ADAMTS17: variants seen among roughly 807,000 people sequenced by gnomAD.
ADAMTS17 encodes ADAM metallopeptidase with thrombospondin type 1 motif 17.
ADAMTS17 carries 113 observed loss-of-function variants against 141.5 expected under a neutral mutation model. The ratio of observed to expected loss-of-function variants is 0.80; its 90% CI spans 0.69 to 0.93. The LOEUF (loss-of-function observed/expected upper bound fraction) is 0.93. ADAMTS17 is among the 40% of genes least tolerant of loss of function. The probability of loss-of-function intolerance (pLI) is 0.00; values close to 1 mark genes in which losing one functional copy is unlikely to be tolerated. For synonymous variants in ADAMTS17, 768 were observed against 630.6 expected (o/e 1.22, Z -3.27); for missense variants, 1,659 against 1,517.9 (o/e 1.09, Z -1.54).
At chr15:99,976,946 A>G (rs549803612) in intron 20 of ADAMTS17, among the ~76,000 whole-genome samples, 1 of 152,168 alleles carries the variant, frequency 6.6e-6, no homozygotes, top group East Asian at 1.9e-4. Context: ...TGAGATGGTG[A>G]GCAGCATGGC....
intron 21 of ADAMTS17, among the ~76,000 whole-genome samples, chr15:99,975,031 T>G (rs1490701095): frequency 6.6e-6 from 1 of 152,112 alleles, no homozygotes; most frequent in Non-Finnish European, 1.5e-5. Context: ...GGTCCTGAAG[T>G]TCCCAAGCAG....
chr15:100,099,141 C>T (rs1243347103), intron 14 of ADAMTS17, among the ~76,000 whole-genome samples: 3 of 152,186 alleles, frequency 2.0e-5, no homozygotes, highest in Non-Finnish European at 4.4e-5. Context: ...GGAATGCATA[C>T]AGCGTTGCCC....
chr15:100,255,792 G>A (rs1454209790), intron 6 of ADAMTS17, among the ~76,000 whole-genome samples: 2 of 152,178 alleles, frequency 1.3e-5, no homozygotes, highest in East Asian at 1.9e-4. Flanking sequence ...CAAGGCAGGC[G>A]CCATTTTGCA....
chr15:100,281,231 T>A lies in ADAMTS17; in HGVS notation c.787A>T (p.Met263Leu). 6.2e-7 allele frequency: 1 copy of A among 1,604,740 alleles called. No homozygotes were observed. ...CAGGACCCCGGCTCCGGACTCACCA[T>A]GTTCATGACGGTCAGGATGAACCTC... ...AQRFILTVMN[M>L]VYNMFQHQSL... Residue 263 changes from methionine (M) to leucine (L), a missense_variant and splice_region_variant, in exon 4 of 22, where the codon ATG becomes TTG. Coordinates refer to ENST00000268070, the MANE Select transcript of ADAMTS17 (RefSeq NM_139057.4).
intron 7 of ADAMTS17, among the ~76,000 whole-genome samples, chr15:100,211,104 A>AAATAAATG (rs2041789993): frequency 8.1e-6 from 1 of 122,754 alleles, no homozygotes; most frequent in Admixed American, 7.4e-5. Flanking sequence ...AGTCTCAAAT[A>AAATAAATG]AATAAATAAA....
intron 3 of ADAMTS17, among the ~76,000 whole-genome samples, chr15:100,308,693 A>T (rs1289012059): frequency 2.0e-5 from 3 of 152,202 alleles, no homozygotes; most frequent in African/African-American, 7.2e-5. Context: ...TCCCGGGCTT[A>T]GCCATCCAAG....
intron 16 of ADAMTS17, among the ~76,000 whole-genome samples, 185 bp from the exon 17 acceptor site, chr15:100,051,916 C>T (rs2032181089): frequency 6.6e-6 from 1 of 152,168 alleles, no homozygotes; most frequent in Admixed American, 6.5e-5. Context: ...CTCAGGGACT[C>T]AACTGAGGAG....
chr15:100,155,137 A>G (rs369387906), intron 9 of ADAMTS17, 43 bp downstream of exon 9: 20 of 1,613,864 alleles, frequency 1.2e-5, no homozygotes, highest in Non-Finnish European at 1.7e-5. Flanking sequence ...TTTTGGAAGT[A>G]CTTTTGATTG....
chr15:100,125,098 G>A (rs1365469666), intron 12 of ADAMTS17, among the ~76,000 whole-genome samples: 1 of 152,178 alleles, frequency 6.6e-6, no homozygotes, highest in Non-Finnish European at 1.5e-5. Context: ...AGAGACACAG[G>A]ACGCTCAGTA....
chr15:100,295,149 C>T (rs911506282), intron 3 of ADAMTS17, among the ~76,000 whole-genome samples: 1 of 152,188 alleles, frequency 6.6e-6, no homozygotes, highest in Non-Finnish European at 1.5e-5. Context: ...ATCAAAATAT[C>T]TTCAGACTGA....
At chr15:100,092,247 T>G (rs1201641577) in intron 15 of ADAMTS17, among the ~76,000 whole-genome samples, 1 of 152,250 alleles carries the variant, frequency 6.6e-6, no homozygotes, top group South Asian at 2.1e-4. Flanking sequence ...ACAGTTTTTC[T>G]GATGGTAATC....
intron 7 of ADAMTS17, among the ~76,000 whole-genome samples, chr15:100,208,703 C>T (rs986779468): frequency 1.3e-4 from 20 of 152,080 alleles, no homozygotes; most frequent in African/African-American, 4.8e-4. Flanking sequence ...GTAAATTATG[C>T]CTCAATTATA....
intron 10 of ADAMTS17, among the ~76,000 whole-genome samples, chr15:100,148,361 A>G (rs141175108): frequency 2.1e-4 from 29 of 139,362 alleles, no homozygotes; most frequent in South Asian, 6.8e-4. Context: ...GTGTAGATCC[A>G]TATTTCCACC....
intron 7 of ADAMTS17, among the ~76,000 whole-genome samples, chr15:100,230,932 G>T (rs537606277): frequency 2.6e-5 from 4 of 152,146 alleles, no homozygotes; most frequent in South Asian, 2.1e-4. Context: ...CAGCCCACGG[G>T]GGGAGGAGAC....
chr15:100,004,019 T>C (rs754991329), intron 18 of ADAMTS17, among the ~76,000 whole-genome samples: 4 of 152,266 alleles, frequency 2.6e-5, no homozygotes, highest in Non-Finnish European at 4.4e-5. Context: ...GTAAATTTTA[T>C]GTGTATTTTA....
At chr15:100,263,451 G>C (rs2043601068) in intron 4 of ADAMTS17, among the ~76,000 whole-genome samples, 1 of 152,124 alleles carries the variant, frequency 6.6e-6, no homozygotes, top group African/African-American at 2.4e-5. Flanking sequence ...AACAGAAAAG[G>C]ACCTATCTTT....
At chr15:100,210,918 G>A (rs2041781057) in intron 7 of ADAMTS17, among the ~76,000 whole-genome samples, 1 of 152,088 alleles carries the variant, frequency 6.6e-6, no homozygotes, top group African/African-American at 2.4e-5. Context: ...TGGCTAACAT[G>A]GTGAAACCTC....
intron 2 of ADAMTS17, among the ~76,000 whole-genome samples, chr15:100,335,687 T>C (rs1228593599): frequency 6.6e-6 from 1 of 152,226 alleles, no homozygotes; most frequent in Admixed American, 6.5e-5. Context: ...CGGCCTGTTT[T>C]TAATGCCTTA....
At chr15:100,304,900 G>T (rs2045169340) in intron 3 of ADAMTS17, among the ~76,000 whole-genome samples, 1 of 152,140 alleles carries the variant, frequency 6.6e-6, no homozygotes, top group African/African-American at 2.4e-5. Context: ...GAAGATCTTT[G>T]TAATGATCTA....
Sources: gnomAD v4.1 joint callset for allele counts (sites outside exome capture counted in the v4.1 genomes callset) on GRCh38, gnomAD v4.1.1 for gene constraint, MANE v1.5 for transcripts, NCBI Gene and HGNC (gene_info 2026-07-23, HGNC 2026-07-21) for gene names.